The following EBAG9 variants were observed in gnomAD, a reference collection of about 807,000 sequenced individuals.
The protein encoded by EBAG9 is estrogen receptor binding site associated antigen 9.
In EBAG9, 16 loss-of-function variants were observed where a neutral mutation model predicts 30.9. The ratio of observed to expected loss-of-function variants is 0.52; its 90% CI spans 0.35 to 0.79. EBAG9 has a LOEUF of 0.79. Among genes scored for constraint, EBAG9 ranks in the 30% least tolerant of loss-of-function variants. The pLI is 0.01. For missense variants in EBAG9, 197 were observed against 242.1 expected (o/e 0.81, Z 1.24); for synonymous variants, 93 against 82.8 (o/e 1.12, Z -0.67).
Position 109,554,823 on chromosome 8 carries a change from C to G in EBAG9, c.257C>G (p.Ser86Cys), listed in dbSNP as rs1446903260. 9 of 1,613,630 alleles carry G rather than the reference C, an allele frequency of 5.6e-6. No homozygotes were observed. The highest frequency in any genetic ancestry group is 6.8e-6 in the Non-Finnish European group (8 of 1,179,802). Reference sequence around the variant, plus strand: ...GGGAATGTGGCAACACAACAAAATTCTTTGGAACAACTGGAACCTGACTAT... The same window carrying G: ...GGGAATGTGGCAACACAACAAAATTGTTTGGAACAACTGGAACCTGACTAT... ...GNGNVATQQN[S>C]LEQLEPDYFK... The change falls in exon 4 of 7, where the codon TCT (serine) becomes TGT (cysteine). Residue 86 changes from serine to cysteine, a missense_variant. Coordinates refer to ENST00000337573, the MANE Select transcript of EBAG9 (RefSeq NM_004215.5).
chr8:109,543,852 G>A (rs1359156301), intron 1 of EBAG9, among the ~76,000 whole-genome samples: 1 of 151,962 alleles, frequency 6.6e-6, no homozygotes, highest in Non-Finnish European at 1.5e-5. Flanking sequence ...CCAACATGGC[G>A]AAACCCCGTC....
intron 6 of EBAG9, among the ~76,000 whole-genome samples, chr8:109,562,558 A>G (rs1821732154): frequency 6.6e-6 from 1 of 151,922 alleles, no homozygotes; most frequent in African/African-American, 2.4e-5. Flanking sequence ...CACTATAAAT[A>G]ATGCCAGTAC....
chr8:109,548,839 C>G (rs915240012), intron 1 of EBAG9, among the ~76,000 whole-genome samples: 3 of 149,040 alleles, frequency 2.0e-5, no homozygotes, highest in Non-Finnish European at 4.5e-5. Context: ...TTATTTCTGC[C>G]TTTCCATTCT....
intron 5 of EBAG9, among the ~76,000 whole-genome samples, chr8:109,558,978 C>T (rs923846714): frequency 2.0e-5 from 3 of 152,034 alleles, no homozygotes; most frequent in Non-Finnish European, 4.4e-5. Context: ...CTAAGGCCAT[C>T]TCTACTAAAG....
chr8:109,563,301 A>G, intron 6 of EBAG9: 2 of 1,390,368 alleles, frequency 1.4e-6, no homozygotes, highest in Admixed American at 2.0e-5. Context: ...TTCTGCATAT[A>G]ACCTAATGTT....
intron 2 of EBAG9, among the ~76,000 whole-genome samples, chr8:109,552,405 G>A (rs1434456180): frequency 1.3e-5 from 2 of 152,148 alleles, no homozygotes. Context: ...TAGGATTTGG[G>A]AAGTAGAAAA....
At chr8:109,550,261 T>G (rs1189713478) in intron 1 of EBAG9, 2 of 153,176 alleles carry the variant, frequency 1.3e-5, no homozygotes, top group African/African-American at 2.4e-5. Context: ...CTCCTAGGTA[T>G]TGGCATTTCT....
chr8:109,562,552 A>T (rs1244907700), intron 6 of EBAG9, among the ~76,000 whole-genome samples: 4 of 152,080 alleles, frequency 2.6e-5, no homozygotes, highest in African/African-American at 9.6e-5. Context: ...TGTTGCCACT[A>T]TAAATAATGC....
intron 1 of EBAG9, among the ~76,000 whole-genome samples, chr8:109,545,369 C>G (rs1313474006): frequency 2.8e-5 from 4 of 140,558 alleles, no homozygotes; most frequent in Non-Finnish European, 6.2e-5. Context: ...CCAGTTTTAC[C>G]TTTTTTTTTT....
At chr8:109,554,981 ATTTCTTT>A (rs1586691601) in intron 4 of EBAG9, 94 bp downstream of exon 4, 12 of 1,266,696 alleles carry the variant, frequency 9.5e-6, no homozygotes, top group Non-Finnish European at 1.2e-5. Context: ...TAGAAAGCCT[ATTTCTTT>A]TTTTTTTTTT....
chr8:109,554,992 T>G (rs1337596928), intron 4 of EBAG9, 105 bp downstream of exon 4: 1 of 1,233,546 alleles, frequency 8.1e-7, no homozygotes, highest in East Asian at 2.5e-5. Context: ...TTTCTTTTTT[T>G]TTTTTTAATA....
intron 4 of EBAG9, among the ~76,000 whole-genome samples, chr8:109,556,178 A>G (rs187200825): frequency 7.3e-4 from 111 of 152,244 alleles, no homozygotes; most frequent in African/African-American, 2.2e-3. Flanking sequence ...ATATATATAT[A>G]TAAACACACA....
intron 2 of EBAG9, 47 bp from the exon 3 acceptor site, chr8:109,553,818 G>A (rs1821541408): frequency 1.4e-6 from 2 of 1,470,708 alleles, no homozygotes; most frequent in South Asian, 1.2e-5. Flanking sequence ...CTTTTACTTT[G>A]CTTGTTTTGG....
chr8:109,541,446 A>G (rs1387301096), intron 1 of EBAG9, among the ~76,000 whole-genome samples: 1 of 152,158 alleles, frequency 6.6e-6, no homozygotes, highest in Non-Finnish European at 1.5e-5. Context: ...TGTCAACCTC[A>G]TCTATTAAAC....
Position 109,563,613 on chromosome 8 carries a change from CAT to C in EBAG9, c.522-825_522-824del, listed in dbSNP as rs1821752348. 1.3e-5 allele frequency: 18 copies of C among 1,431,396 alleles called. 1 individual carries two copies. In the South Asian group the frequency reaches 2.5e-4, roughly 20 times the overall value. The allele number at this position is 1,431,396 out of a possible 1,614,324, so 88.7% of individuals were successfully genotyped here. On this transcript the variant is annotated intron_variant, in intron 6 of 6. Transcript: ENST00000337573. ...TTTTTTAAACTTAAGTTCAGGGGGACATGTGCAGGATGTGCAGGTTTGTTACA... is the reference window on the plus strand; with the variant it reads ...TTTTTTAAACTTAAGTTCAGGGGGACGTGCAGGATGTGCAGGTTTGTTACA...
At chr8:109,548,586 T>C (rs1477307193) in intron 1 of EBAG9, among the ~76,000 whole-genome samples, 2 of 152,170 alleles carry the variant, frequency 1.3e-5, no homozygotes, top group East Asian at 3.8e-4. Context: ...GAAATGTTGA[T>C]ATCTTAATAA....
chr8:109,544,293 CTTT>C (rs1350919028), intron 1 of EBAG9, among the ~76,000 whole-genome samples: 1 of 151,774 alleles, frequency 6.6e-6, no homozygotes, highest in African/African-American at 2.4e-5. Context: ...ACTGCTTGTG[CTTT>C]TTTATTCTGG....
chr8:109,554,653 T>A, intron 3 of EBAG9, 76 bp from the exon 4 acceptor site: 1 of 1,449,162 alleles, frequency 6.9e-7, no homozygotes. Flanking sequence ...GAAAGCCCAT[T>A]TTTCTAATAA....
rs1260822911 is a variant in EBAG9 at position 109,565,396 on chromosome 8, T to C, written c.*837T>C. The C allele has an allele frequency of 2.6e-5, 4 of 152,186 alleles. No individual in the cohort carries two copies. The East Asian group carries it at 5.8e-4, about 22-fold the overall frequency. The allele number at this position is 152,186 out of a possible 1,614,324, so 9.4% of individuals were successfully genotyped here. On this transcript the variant is annotated 3_prime_UTR_variant, in exon 7 of 7. Coordinates refer to ENST00000337573, the MANE Select transcript of EBAG9 (RefSeq NM_004215.5). ...CCAAAAGCCATTAATTTACAAATGC[T>C]TAAAGCCATCAGGTCAAATATTTCA...
Sources: gnomAD v4.1 joint callset for allele counts (sites outside exome capture counted in the v4.1 genomes callset) on GRCh38, gnomAD v4.1.1 for gene constraint, MANE v1.5 for transcripts, NCBI Gene and HGNC (gene_info 2026-07-23, HGNC 2026-07-21) for gene names.